The following ITGB4 variants were observed in gnomAD, a reference collection of about 807,000 sequenced individuals.
The protein encoded by ITGB4 is integrin beta-4.
ITGB4 carries 159 observed loss-of-function variants against 207.6 expected under a neutral mutation model. The observed-to-expected ratio is 0.77, with a 90% CI of 0.67 to 0.87. ITGB4 has a LOEUF of 0.87. Among genes scored for constraint, ITGB4 ranks in the 40% least tolerant of loss-of-function variants. The pLI, the probability that ITGB4 is intolerant of heterozygous loss-of-function variation, is 0.00. For missense variants in ITGB4, 2,278 were observed against 2,546.8 expected (o/e 0.89, Z 2.27); for synonymous variants, 1,020 against 1,062.7 (o/e 0.96, Z 0.78).
chr17:75,754,589 T>A lies in ITGB4; in HGVS notation c.4332T>A (p.Asn1444Lys). 1 of 1,613,728 alleles carries A rather than the reference T, an allele frequency of 6.2e-7. No homozygotes were observed. Among genetic ancestry groups the A allele is most frequent in the Non-Finnish European group, 8.5e-7 (1 of 1,179,972 alleles). ...TPGPPGEHLVNGRMDFAFPGS... is the reference protein window; with the variant it reads ...TPGPPGEHLVKGRMDFAFPGS... The stretch of plus-strand genomic sequence containing the variant: ...CTCCCCCTGCAGAGCACCTGGTGAA[T>A]GGCCGGATGGACTTTGCCTTCCCGG... The change falls in exon 34 of 40, where the codon AAT becomes AAA. Residue 1444 changes from asparagine to lysine, a missense_variant. Asn to Lys is a moderately conservative substitution (Grantham distance 94). Coordinates refer to ENST00000200181, the MANE Select transcript of ITGB4 (RefSeq NM_000213.5).
chr17:75,725,057 G>C (rs545999042), intron 2 of ITGB4, among the ~76,000 whole-genome samples: 15 of 152,348 alleles, frequency 9.8e-5, no homozygotes, highest in Non-Finnish European at 1.9e-4. Flanking sequence ...CCCAGAGGAT[G>C]CACTGAGGCC....
In ITGB4 at chr17:75,727,859, C is replaced by T. The variant is rs375645302; in HGVS notation, c.469+4C>T. On this transcript the variant is annotated splice_donor_region_variant and intron_variant, in intron 5 of 39. Coordinates refer to ENST00000200181, the MANE Select transcript of ITGB4 (RefSeq NM_000213.5). The surrounding 1 kb of genome is among the most constrained non-coding windows in gnomAD (Gnocchi z 6.0). ...AAGAAGATGGGGCAGAACCTGGGTA[C>T]GGCAGGGCCAGAGTGGAGGACAGCA... 4.9e-4 allele frequency: 790 copies of T among 1,613,310 alleles called. 7 individuals are homozygous for T. In the South Asian group the frequency reaches 8.1e-3, roughly 17 times the overall value.
At position 75,729,214 on chromosome 17, in the gene ITGB4, C is replaced by G; in HGVS notation, c.567-51C>G. Reference sequence around the variant, plus strand: ...TGAAACGAGCCAGGGGCACTGGGGTCTGCGGCGTCTTCCCCCTGTGACACT... The same window carrying G: ...TGAAACGAGCCAGGGGCACTGGGGTGTGCGGCGTCTTCCCCCTGTGACACT... On this transcript the variant is annotated intron_variant, in intron 6 of 39. Coordinates refer to ENST00000200181, the MANE Select transcript of ITGB4 (RefSeq NM_000213.5). The surrounding 1 kb of genome is among the most constrained non-coding windows in gnomAD (Gnocchi z 4.4). 1.3e-6 allele frequency: 2 copies of G among 1,572,310 alleles called. No homozygotes were observed. The highest frequency in any genetic ancestry group is 1.7e-4 in the Middle Eastern group (1 of 5,936).
chr17:75,735,561 C>T (rs1471895480), intron 13 of ITGB4, among the ~76,000 whole-genome samples: 3 of 151,782 alleles, frequency 2.0e-5, no homozygotes, highest in Non-Finnish European at 4.4e-5. Flanking sequence ...TACAGGCATG[C>T]GCCACCATGA....
At chr17:75,733,806 A>G (rs1049578664) in intron 13 of ITGB4, 114 bp downstream of exon 13, 3 of 1,209,368 alleles carry the variant, frequency 2.5e-6, no homozygotes, top group African/African-American at 3.0e-5. Flanking sequence ...AGAATCCCCA[A>G]GTTCAGGCCC....
In ITGB4 at chr17:75,737,633, G is replaced by T; in HGVS notation, c.2209G>T (p.Ala737Ser). The change falls in exon 18 of 40, where the codon GCC becomes TCC. Residue 737 changes from alanine to serine, a missense_variant. Transcript: ENST00000200181. ...ACTGCTGCTATGCTGGAAGTACTGT[G>T]CCTGCTGCAAGGTGAGCACCCAGGG... ...LLLLLCWKYC[A>S]CCKACLALLP... 1 of 1,613,026 alleles carries T rather than the reference G, an allele frequency of 6.2e-7. No homozygotes were observed. Among genetic ancestry groups the T allele is most frequent in the Non-Finnish European group, 8.5e-7 (1 of 1,179,830 alleles).
chr17:75,730,595 T>G (rs1160486097), intron 8 of ITGB4, 91 bp downstream of exon 8: 11 of 949,676 alleles, frequency 1.2e-5, no homozygotes, highest in Non-Finnish European at 1.6e-5. Flanking sequence ...CCTCCCTCCC[T>G]CCCTCCCTTC....
intron 2 of ITGB4, among the ~76,000 whole-genome samples, chr17:75,726,354 A>T (rs2148457782): frequency 6.6e-6 from 1 of 152,296 alleles, no homozygotes; most frequent in East Asian, 1.9e-4. Context: ...TGAGCCCAGG[A>T]TGTCGAGACT....
At position 75,748,881 on chromosome 17, in the gene ITGB4, G is replaced by A. The variant is rs528647078; in HGVS notation, c.3152G>A (p.Gly1051Glu). The change falls in exon 27 of 40, where the codon GGG becomes GAG. Residue 1051 changes from glycine (G) to glutamate (E), a missense_variant. Transcript: ENST00000200181. ...PVEGELLFQP[G>E]EAWKELQVKL... Reference sequence around the variant, plus strand: ...GAGGGTGAGCTGCTGTTCCAGCCTGGGGAGGCCTGGAAAGAGCTGCAGGTG... The same window carrying A: ...GAGGGTGAGCTGCTGTTCCAGCCTGAGGAGGCCTGGAAAGAGCTGCAGGTG... 1 of 1,613,054 alleles carries A rather than the reference G, an allele frequency of 6.2e-7. No individual in the cohort carries two copies. Among genetic ancestry groups the A allele is most frequent in the East Asian group, 2.2e-5 (1 of 44,878 alleles).
chr17:75,753,899 G>A lies in ITGB4; in HGVS notation c.4243G>A (p.Gly1415Arg), dbSNP rs2061426511. 6.2e-6 allele frequency: 8 copies of A among 1,299,870 alleles called. No individual in the cohort carries two copies. The highest frequency in any genetic ancestry group is 7.8e-6 in the Non-Finnish European group (8 of 1,029,874). The allele number at this position is 1,299,870 out of a possible 1,614,324, so 80.5% of individuals were successfully genotyped here. Residue 1415 changes from glycine to arginine, a missense_variant, in exon 33 of 40, where the codon GGG (glycine) becomes AGG (arginine). Physicochemically the swap from Gly to Arg is moderately radical, Grantham distance 125. Transcript: ENST00000200181. ...GRSSDAEAPHGPPDDGGAGGK... is the reference protein window; with the variant it reads ...GRSSDAEAPHRPPDDGGAGGK... Reference sequence around the variant, plus strand: ...CTCCTCCGACGCCGAGGCGCCCCACGGGCCCCCGGACGACGGCGGCGCGGG... The same window carrying A: ...CTCCTCCGACGCCGAGGCGCCCCACAGGCCCCCGGACGACGGCGGCGCGGG...
Position 75,750,648 on chromosome 17 carries a change from C to G in ITGB4, c.3475-32C>G, listed in dbSNP as rs757642742. 1 of 1,608,654 alleles carries G rather than the reference C, an allele frequency of 6.2e-7. No homozygotes were observed. Among genetic ancestry groups the G allele is most frequent in the South Asian group, 1.1e-5 (1 of 90,766 alleles). ...AGGCAGCTTGGGTGCCTGCTGCTCC[C>G]TGCTGACCAGGACCCCTGTCCCTGG... On this transcript the variant is annotated intron_variant, in intron 28 of 39. Coordinates refer to ENST00000200181, the MANE Select transcript of ITGB4 (RefSeq NM_000213.5). The surrounding 1 kb of genome is among the most constrained non-coding windows in gnomAD (Gnocchi z 5.5).
In ITGB4 at chr17:75,732,094, G is replaced by C; in HGVS notation, c.1378-69G>C. The C allele has an allele frequency of 6.2e-7, 1 of 1,606,602 alleles. No individual in the cohort carries two copies. The highest frequency in any genetic ancestry group is 8.5e-7 in the Non-Finnish European group (1 of 1,173,702). On this transcript the variant is annotated intron_variant, in intron 11 of 39. Transcript: ENST00000200181. The surrounding 1 kb of genome is among the most constrained non-coding windows in gnomAD (Gnocchi z 5.3). Reference sequence around the variant, plus strand: ...GTGGGGTTTCCCGAGGCACACAGGAGAGCGGAAGTGTCCAGTGGCCCCGGT... The same window carrying C: ...GTGGGGTTTCCCGAGGCACACAGGACAGCGGAAGTGTCCAGTGGCCCCGGT...
At chr17:75,755,916 T>C (rs1436228645) in intron 35 of ITGB4, 66 bp downstream of exon 35, 2 of 1,547,586 alleles carry the variant, frequency 1.3e-6, no homozygotes, top group South Asian at 1.1e-5. Flanking sequence ...GTGTGACACA[T>C]AGGGTACCTC....
Position 75,727,347 on chromosome 17 carries a change from G to T in ITGB4, c.163-57G>T. ...AATAGCTGGTGGAAATGAATCTAGGGTTGGGGCAGCCAGGGAATGGGTGCT... is the reference window on the plus strand; with the variant it reads ...AATAGCTGGTGGAAATGAATCTAGGTTTGGGGCAGCCAGGGAATGGGTGCT... On this transcript the variant is annotated intron_variant, in intron 3 of 39. Coordinates refer to ENST00000200181, the MANE Select transcript of ITGB4 (RefSeq NM_000213.5). This position sits in a 1 kb window ranked among gnomAD's most constrained non-coding sequence, Gnocchi z 6.0. The T allele has an allele frequency of 1.2e-6, 2 of 1,612,502 alleles. No homozygotes were observed. The highest frequency in any genetic ancestry group is 1.7e-6 in the Non-Finnish European group (2 of 1,178,736).
In ITGB4 at chr17:75,756,524, G is replaced by A; in HGVS notation, c.4804G>A (p.Ala1602Thr). The change falls in exon 36 of 40, where the codon GCC (alanine) becomes ACC (threonine). Residue 1602 changes from alanine to threonine, a missense_variant. By Grantham distance (58) the Ala-to-Thr change is moderately conservative (BLOSUM62 0). Coordinates refer to ENST00000200181, the MANE Select transcript of ITGB4 (RefSeq NM_000213.5). ...CCACTCCTACGTGTTCCGCGTGCGG[G>A]CCCAGAGCCAGGAAGGCTGGGGCCG... Reference protein sequence around the residue: ...PNHSYVFRVRAQSQEGWGRER... With the variant: ...PNHSYVFRVRTQSQEGWGRER... 6.2e-7 allele frequency: 1 copy of A among 1,613,290 alleles called. No individual in the cohort carries two copies. Among genetic ancestry groups the A allele is most frequent in the Non-Finnish European group, 8.5e-7 (1 of 1,180,014 alleles).
At chr17:75,749,406 C>T (rs2061313641) in intron 27 of ITGB4, among the ~76,000 whole-genome samples, 1 of 151,944 alleles carries the variant, frequency 6.6e-6, no homozygotes, top group Non-Finnish European at 1.5e-5. Context: ...TGTGCACCTG[C>T]AGTCCCAGCT....
intron 23 of ITGB4, among the ~76,000 whole-genome samples, chr17:75,741,371 C>T (rs1447434396): frequency 4.6e-5 from 7 of 152,084 alleles, no homozygotes; most frequent in African/African-American, 1.7e-4. Context: ...GGCAGGTTAC[C>T]GAGAGGATGG....
Position 75,739,918 on chromosome 17 carries a change from C to T in ITGB4, c.2293C>T (p.Arg765Trp), listed in dbSNP as rs753539251. ...VGFKEDHYML[R>W]ENLMASDHLD... ...CTTTAAGGAAGACCACTACATGCTGCGGGAGAACCTGATGGCCTCTGACCA... is the reference window on the plus strand; with the variant it reads ...CTTTAAGGAAGACCACTACATGCTGTGGGAGAACCTGATGGCCTCTGACCA... Residue 765 changes from arginine (R) to tryptophan (W), a missense_variant, in exon 20 of 40, where the codon CGG becomes TGG. By Grantham distance (101) the Arg-to-Trp change is moderately radical. Coordinates refer to ENST00000200181, the MANE Select transcript of ITGB4 (RefSeq NM_000213.5). This position sits in a 1 kb window ranked among gnomAD's most constrained non-coding sequence, Gnocchi z 5.4. 2 of 1,613,424 alleles carry T rather than the reference C, an allele frequency of 1.2e-6. No homozygotes were observed. Among genetic ancestry groups the T allele is most frequent in the Non-Finnish European group, 1.7e-6 (2 of 1,180,028 alleles).
chr17:75,755,326 A>C (rs890638910), intron 34 of ITGB4: 4 of 1,164,310 alleles, frequency 3.4e-6, no homozygotes. Flanking sequence ...CATCCACAGG[A>C]CCCCCGCCTG....
Sources: gnomAD v4.1 joint callset for allele counts (sites outside exome capture counted in the v4.1 genomes callset) on GRCh38, gnomAD v4.1.1 for gene constraint, Gnocchi (gnomAD v3.1) non-coding constraint, MANE v1.5 for transcripts, NCBI Gene and HGNC (gene_info 2026-07-23, HGNC 2026-07-21) for gene names.